Variants in KLHL5 observed in about 807,000 individuals in gnomAD.
KLHL5 encodes the protein kelch like family member 5, also known as kelch-like protein 5.
KLHL5 carries 48 observed loss-of-function variants against 77.7 expected under a neutral mutation model. The observed-to-expected ratio is 0.62, with a 90% confidence interval of 0.49 to 0.79. The LOEUF (loss-of-function observed/expected upper bound fraction) is 0.79. Ranked by LOEUF, KLHL5 falls within the 30% of genes least tolerant of loss-of-function variation. The pLI is 0.00. For synonymous variants in KLHL5, 260 were observed against 297.0 expected, an observed-to-expected ratio of 0.88 and a Z score of 1.28; for missense variants, 723 against 859.7, an observed-to-expected ratio of 0.84 and a Z score of 1.99.
intron 1 of KLHL5, among the ~76,000 whole-genome samples, chr4:39,055,443 A>T (rs1716944419): frequency 6.6e-6 from 1 of 152,242 alleles, no homozygotes; most frequent in Admixed American, 6.5e-5. Flanking sequence ...AGTGGAAATC[A>T]TAGATGATGG....
chr4:39,049,227 G>A (rs1716440713), intron 1 of KLHL5, among the ~76,000 whole-genome samples: 1 of 152,234 alleles, frequency 6.6e-6, no homozygotes. Flanking sequence ...CTTTGTGTAT[G>A]TGAGTGTGTT....
At position 39,062,666 on chromosome 4, in the gene KLHL5, G is replaced by A. The variant is rs75761953; in HGVS notation, c.14G>A (p.Arg5His). The change falls in exon 1 of 11, where the codon CGT becomes CAT. Residue 5 changes from arginine (R) to histidine (H), a missense_variant. By Grantham distance (29) the Arg-to-His change is conservative. Transcript: ENST00000504108. Reference sequence around the variant, plus strand: ...GTTTCTCTGAGGATGTCTGGTTCTCGTAAAGAGTTTGATGTGAAACAGATT... The same window carrying A: ...GTTTCTCTGAGGATGTCTGGTTCTCATAAAGAGTTTGATGTGAAACAGATT... MSGSRKEFDVKQILK... is the reference protein window; with the variant it reads MSGSHKEFDVKQILK... 22 of 1,614,122 alleles carry A rather than the reference G, an allele frequency of 1.4e-5. 1 individual carries two copies. Among genetic ancestry groups the A allele is most frequent in the Admixed American group, 1.3e-4 (8 of 60,014 alleles).
intron 6 of KLHL5, among the ~76,000 whole-genome samples, chr4:39,097,151 A>G (rs1268299145): frequency 6.6e-6 from 1 of 152,238 alleles, no homozygotes; most frequent in Non-Finnish European, 1.5e-5. Flanking sequence ...TAATAGTAAA[A>G]TATTATAACC....
At position 39,062,420 on chromosome 4, in the gene KLHL5, T is replaced by A. The variant is rs1254851859; in HGVS notation, c.-233T>A. ...ATAGGTGGATGAGAGTTTGCTCTGATTGAACGGAATGTTCCACCGTGTTTC... is the reference window on the plus strand; with the variant it reads ...ATAGGTGGATGAGAGTTTGCTCTGAATGAACGGAATGTTCCACCGTGTTTC... On this transcript the variant is annotated 5_prime_UTR_variant, in exon 1 of 11. It adds an upstream start codon to the 5' untranslated region. Coordinates refer to ENST00000504108, the MANE Select transcript of KLHL5 (RefSeq NM_015990.5). The A allele has an allele frequency of 6.7e-7, 1 of 1,493,356 alleles. No homozygotes were observed. The highest frequency in any genetic ancestry group is 2.4e-5 in the East Asian group (1 of 41,500). 92.5% of individuals were successfully genotyped at this position (1,493,356 alleles called of 1,614,324 possible).
Position 39,062,332 on chromosome 4 carries a change from T to TAGG in KLHL5, c.-321_-320insAGG. 7.1e-7 allele frequency: 1 copy of TAGG among 1,408,086 alleles called. No individual in the cohort carries two copies. Among genetic ancestry groups the TAGG allele is most frequent in the Admixed American group, 3.1e-5 (1 of 32,106 alleles). 87.2% of individuals were successfully genotyped at this position (1,408,086 alleles called of 1,614,324 possible). A position where few individuals can be genotyped will look rare whatever the true frequency, so the allele number is the denominator to read the frequency against. On this transcript the variant is annotated 5_prime_UTR_variant, in exon 1 of 11. It introduces an in-frame stop codon into an upstream open reading frame of the 5' UTR. Transcript: ENST00000504108. ...AGGACTTTAATGAATGCTGTCAGTG[T>TAGG]TTGTGAGACCTAATGGTCAGTATGG... is the stretch of plus-strand genomic sequence containing the variant.
At chr4:39,071,893 T>A (rs1718510580) in intron 1 of KLHL5, among the ~76,000 whole-genome samples, 2 of 152,218 alleles carry the variant, frequency 1.3e-5, no homozygotes, top group South Asian at 4.1e-4. Flanking sequence ...TGAATGATCT[T>A]ATGTAATTTT....
At chr4:39,109,341 G>C (rs1409511615) in intron 8 of KLHL5, among the ~76,000 whole-genome samples, 2 of 152,128 alleles carry the variant, frequency 1.3e-5, no homozygotes, top group Non-Finnish European at 2.9e-5. Context: ...TGTCGCCCAG[G>C]CTGGAGTGCA....
chr4:39,133,124 A>C, the KLHL5 span, among the ~76,000 whole-genome samples: 4 of 151,828 alleles, frequency 2.6e-5, no homozygotes, highest in African/African-American at 9.7e-5. Context: ...CTTGTTAGTA[A>C]TAAAAATTAT....
In KLHL5 at chr4:39,076,161, A is replaced by G. The variant is rs778743304; in HGVS notation, c.566+14A>G. On this transcript the variant is annotated intron_variant, in intron 2 of 10. Transcript: ENST00000504108. ...TCCAGCTCACAGGTAGTTGTTTTCTATATTTCTGTATGTGTGAAATATTTC... is the reference window on the plus strand; with the variant it reads ...TCCAGCTCACAGGTAGTTGTTTTCTGTATTTCTGTATGTGTGAAATATTTC... 3.1e-6 allele frequency: 5 copies of G among 1,587,618 alleles called. No homozygotes were observed. Among genetic ancestry groups the G allele is most frequent in the African/African-American group, 2.7e-5 (2 of 72,924 alleles).
chr4:39,064,737 TTGG>T (rs888634344), intron 1 of KLHL5, among the ~76,000 whole-genome samples: 1 of 152,154 alleles, frequency 6.6e-6, no homozygotes, highest in Non-Finnish European at 1.5e-5. Context: ...CAGAAATATC[TTGG>T]TGGGCTATTC....
rs1225106582 is a variant in KLHL5 at position 39,124,035 on chromosome 4, G to A, written c.*2969G>A. 6.6e-6 allele frequency among the ~76,000 whole-genome samples: 1 copy of A among 151,758 alleles called. No individual in the cohort carries two copies. The highest frequency in any genetic ancestry group is 2.4e-5 in the African/African-American group (1 of 41,312). On this transcript the variant is annotated 3_prime_UTR_variant, in exon 11 of 11. Coordinates refer to ENST00000504108, the MANE Select transcript of KLHL5 (RefSeq NM_015990.5). ...CACAAAAGTCTAAGAAAAACCTGAG[G>A]GGAAATTAAAACAATTTCATTTACA...
At chr4:39,110,512 G>T (rs182316525) in intron 8 of KLHL5, among the ~76,000 whole-genome samples, 54 of 152,220 alleles carry the variant, frequency 3.5e-4, no homozygotes, top group African/African-American at 1.3e-3. Flanking sequence ...AGGCTGGAGT[G>T]CAGTGACACA....
At chr4:39,090,789 G>T (rs765983028) in intron 5 of KLHL5, among the ~76,000 whole-genome samples, 1 of 151,590 alleles carries the variant, frequency 6.6e-6, no homozygotes, top group African/African-American at 2.4e-5. Flanking sequence ...ATCCAGAAGA[G>T]AAGTATTTAT....
chr4:39,115,963 C>T (rs1396758593), intron 10 of KLHL5: 3 of 985,488 alleles, frequency 3.0e-6, no homozygotes, highest in African/African-American at 1.7e-5. Flanking sequence ...GTACTTGGTA[C>T]ATAAAAGACA....
intron 4 of KLHL5, among the ~76,000 whole-genome samples, chr4:39,084,503 C>A (rs1412929514): frequency 6.6e-6 from 1 of 152,194 alleles, no homozygotes; most frequent in Non-Finnish European, 1.5e-5. Flanking sequence ...TTGAGATCTG[C>A]TAAAGTAGCT....
chr4:39,121,007 T>C lies in KLHL5; in HGVS notation c.2074-3T>C. The C allele has an allele frequency of 6.2e-7, 1 of 1,611,682 alleles. No individual in the cohort carries two copies. The highest frequency in any genetic ancestry group is 1.3e-5 in the African/African-American group (1 of 75,008). On this transcript the variant is annotated splice_region_variant and splice_polypyrimidine_tract_variant and intron_variant, in intron 10 of 10. Transcript: ENST00000504108. ...CCAATACATATCTCTTTTTCCTTTT[T>C]AGGTTGCTCCACTGTGCCTAGGAAG...
At chr4:39,105,668 T>C (rs1308295656) in intron 7 of KLHL5, among the ~76,000 whole-genome samples, 3 of 151,504 alleles carry the variant, frequency 2.0e-5, no homozygotes, top group African/African-American at 7.3e-5. Context: ...AAAATGTGTA[T>C]ATGCACATAT....
chr4:39,081,140 A>G lies in KLHL5; in HGVS notation c.604A>G (p.Met202Val), dbSNP rs752523685. 15 of 1,612,612 alleles carry G rather than the reference A, an allele frequency of 9.3e-6. No individual in the cohort carries two copies. Among genetic ancestry groups the G allele is most frequent in the Non-Finnish European group, 3.4e-6 (4 of 1,179,616 alleles). Residue 202 changes from methionine (M) to valine (V), a missense_variant, in exon 3 of 11, where the codon ATG (methionine) becomes GTG (valine). Coordinates refer to ENST00000504108, the MANE Select transcript of KLHL5 (RefSeq NM_015990.5). This position sits in a 1 kb window ranked among gnomAD's most constrained non-coding sequence, Gnocchi z 4.3. Reference protein sequence around the residue: ...LSSVSDYFAAMFTNDVREARQ... With the variant: ...LSSVSDYFAAVFTNDVREARQ... ...CTCTGTCTCAGACTATTTTGCTGCC[A>G]TGTTTACTAATGATGTCAGAGAGGC...
upstream of KLHL5, among the ~76,000 whole-genome samples, chr4:39,058,023 C>T (rs1479821188): frequency 3.9e-5 from 6 of 152,074 alleles, no homozygotes; most frequent in African/African-American, 9.7e-5. Flanking sequence ...AAGATTTGAG[C>T]GGTTTTGAAA....
Sources: gnomAD v4.1 joint callset for allele counts (sites outside exome capture counted in the v4.1 genomes callset) on GRCh38, gnomAD v4.1.1 for gene constraint, Gnocchi (gnomAD v3.1) non-coding constraint, MANE v1.5 for transcripts, NCBI Gene and HGNC (gene_info 2026-07-23, HGNC 2026-07-21) for gene names.